Variants in DIP2C observed in about 807,000 individuals in gnomAD.
DIP2C encodes disco-interacting protein 2 homolog C.
Under a neutral mutation model 192.4 loss-of-function variants are expected in DIP2C, and 33 were observed. The ratio of observed to expected loss-of-function variants is 0.17; its 90% CI spans 0.13 to 0.23. The LOEUF is 0.23. Among genes scored for constraint, DIP2C ranks in the 10% least tolerant of loss-of-function variants. DIP2C has a pLI of 1.00. For synonymous variants in DIP2C, 979 were observed against 864.1 expected (o/e 1.13, Z -2.33); for missense variants, 1,537 against 2,110.1 (o/e 0.73, Z 5.32).
Position 583,510 on chromosome 10 carries a change from T to C in DIP2C, c.86-96980A>G, listed in dbSNP as rs1357866243. Among the ~76,000 whole-genome samples, 4 of 152,220 alleles carry C rather than the reference T, an allele frequency of 2.6e-5. No homozygotes were observed. In the South Asian group the frequency reaches 8.3e-4, roughly 32 times the overall value. ...GTTCAGATTTCAGTATCGATATAAC[T>C]TTGTAAGCAGTCAGGAGAGGGGCGG... On this transcript the variant is annotated intron_variant, in intron 1 of 36. Transcript: ENST00000280886.
At chr10:395,758 G>GCC (rs758360680) in intron 10 of DIP2C, among the ~76,000 whole-genome samples, 1 of 152,192 alleles carries the variant, frequency 6.6e-6, no homozygotes, top group Non-Finnish European at 1.5e-5. Context: ...GCCACAGAGG[G>GCC]CCCCTCCCTA....
At chr10:541,855 T>C (rs2130905054) in intron 1 of DIP2C, among the ~76,000 whole-genome samples, 1 of 152,306 alleles carries the variant, frequency 6.6e-6, no homozygotes, top group Non-Finnish European at 1.5e-5. Flanking sequence ...GTCTAGTGCA[T>C]CCCTGCACCT....
At chr10:617,065 G>A (rs1369824521) in intron 1 of DIP2C, among the ~76,000 whole-genome samples, 1 of 152,182 alleles carries the variant, frequency 6.6e-6, no homozygotes, top group African/African-American at 2.4e-5. Context: ...GGCAAGCCAG[G>A]AGCACACAAC....
rs745365202 is a variant in DIP2C, at chr10:333,567, TTTCC to T, written c.3585-3970_3585-3967del. Among the ~76,000 whole-genome samples, 5 of 152,360 alleles carry T rather than the reference TTTCC, an allele frequency of 3.3e-5. No homozygotes were observed. The East Asian group carries it at 5.8e-4, about 18-fold the overall frequency. On this transcript the variant is annotated intron_variant, in intron 29 of 36. Coordinates refer to ENST00000280886, the MANE Select transcript of DIP2C (RefSeq NM_014974.3). Reference sequence around the variant, plus strand: ...CACCTGCTAGCGGATACCTGGATTGTTTCCTTGTGTTGACCGAGGTTCCAGGGAA... The same window carrying T: ...CACCTGCTAGCGGATACCTGGATTGTTTGTGTTGACCGAGGTTCCAGGGAA...
chr10:357,229 C>A (rs192280614), intron 23 of DIP2C, among the ~76,000 whole-genome samples: 1 of 152,334 alleles, frequency 6.6e-6, no homozygotes, highest in East Asian at 1.9e-4. Flanking sequence ...TGGACGCACA[C>A]GGCACAATGT....
intron 32 of DIP2C, among the ~76,000 whole-genome samples, 198 bp downstream of exon 32, chr10:309,833 G>A (rs1258262812): frequency 2.6e-5 from 4 of 152,076 alleles, no homozygotes; most frequent in East Asian, 3.9e-4. Context: ...TTACAGGCGT[G>A]AGCCACCATG....
intron 6 of DIP2C, 97 bp downstream of exon 6, chr10:418,968 G>C: frequency 6.4e-7 from 1 of 1,554,204 alleles, no homozygotes; most frequent in Admixed American, 1.8e-5. Context: ...AGAACCGATT[G>C]TACCCCAGGA....
intron 18 of DIP2C, among the ~76,000 whole-genome samples, chr10:368,439 CAG>C (rs1014457981): frequency 1.3e-5 from 2 of 152,312 alleles, no homozygotes; most frequent in African/African-American, 2.4e-5. Context: ...GGGCTGGACA[CAG>C]GGGCTAGAGG....
intron 1 of DIP2C, among the ~76,000 whole-genome samples, chr10:613,457 C>A (rs536313096): frequency 6.6e-6 from 1 of 152,218 alleles, no homozygotes; most frequent in Non-Finnish European, 1.5e-5. Flanking sequence ...CTAAGGAATC[C>A]GATTTGGAGG....
At chr10:531,118 G>A (rs1196215949) in intron 1 of DIP2C, among the ~76,000 whole-genome samples, 1 of 152,244 alleles carries the variant, frequency 6.6e-6, no homozygotes, top group East Asian at 1.9e-4. Context: ...TGGTCGTGAC[G>A]CGCTGAGTCC....
At chr10:461,783 G>A (rs1181859676) in intron 3 of DIP2C, among the ~76,000 whole-genome samples, 1 of 152,108 alleles carries the variant, frequency 6.6e-6, no homozygotes, top group African/African-American at 2.4e-5. Flanking sequence ...ATAATTGGAA[G>A]TAAAACACTC....
chr10:478,690 C>T (rs568495357), intron 2 of DIP2C, among the ~76,000 whole-genome samples: 1 of 151,932 alleles, frequency 6.6e-6, no homozygotes, highest in East Asian at 1.9e-4. Context: ...AAGTTCCCGT[C>T]TTATTCTCAC....
At position 446,397 on chromosome 10, in the gene DIP2C, TCCCATGG is replaced by T. The variant is rs1968219729; in HGVS notation, c.269-5408_269-5402del. ...ATCTGTATACCTCTGTTGTGAAGAG[TCCCATGG>T]TCCACTGGGCATCTGTATACATCTG... On this transcript the variant is annotated intron_variant, in intron 3 of 36. Transcript: ENST00000280886. Among the ~76,000 whole-genome samples, 3 of 152,216 alleles carry T rather than the reference TCCCATGG, an allele frequency of 2.0e-5. No homozygotes were observed. In the South Asian group the frequency reaches 6.2e-4, roughly 32 times the overall value.
chr10:680,333 A>G (rs1011156903), intron 1 of DIP2C, among the ~76,000 whole-genome samples: 1 of 152,228 alleles, frequency 6.6e-6, no homozygotes, highest in African/African-American at 2.4e-5. Flanking sequence ...GGCCTCCTGC[A>G]GCACTGGGCC....
intron 32 of DIP2C, among the ~76,000 whole-genome samples, chr10:292,338 G>A (rs1955534164): frequency 6.6e-6 from 1 of 152,194 alleles, no homozygotes; most frequent in African/African-American, 2.4e-5. Flanking sequence ...AACTCTTCCA[G>A]CCTGGCCTCT....
chr10:504,849 C>T (rs1845478913), intron 1 of DIP2C, among the ~76,000 whole-genome samples: 1 of 152,196 alleles, frequency 6.6e-6, no homozygotes, highest in Non-Finnish European at 1.5e-5. Context: ...CATTGCATGT[C>T]AAACCCTCAG....
chr10:488,776 A>G (rs951117809), intron 1 of DIP2C, among the ~76,000 whole-genome samples: 2 of 152,216 alleles, frequency 1.3e-5, no homozygotes, highest in Admixed American at 6.5e-5. Flanking sequence ...ATGACTGTTC[A>G]TGGTTTATTT....
At chr10:557,979 C>A (rs1848999683) in intron 1 of DIP2C, among the ~76,000 whole-genome samples, 1 of 151,936 alleles carries the variant, frequency 6.6e-6, no homozygotes, top group African/African-American at 2.4e-5. Context: ...TGCTCCCTGG[C>A]AACCTCACAG....
intron 2 of DIP2C, among the ~76,000 whole-genome samples, chr10:481,590 A>G (rs1229629616): frequency 6.6e-6 from 1 of 152,250 alleles, no homozygotes; most frequent in East Asian, 1.9e-4. Flanking sequence ...CATTTCAGTC[A>G]TTAATTAGCC....
Sources: allele counts gnomAD v4.1 joint callset (sites outside exome capture counted in the v4.1 genomes callset), GRCh38; gene constraint gnomAD v4.1.1; transcripts MANE v1.5; gene names NCBI Gene and HGNC (gene_info 2026-07-23, HGNC 2026-07-21).